TAF3: variants seen among roughly 807,000 people sequenced by gnomAD.
The protein encoded by TAF3 is transcription initiation factor TFIID subunit 3.
TAF3 carries 7 observed loss-of-function variants against 80.6 expected under a neutral mutation model. That is an observed-to-expected ratio of 0.09 (90% CI 0.05 to 0.16). TAF3 has a LOEUF of 0.16. TAF3 is among the 10% of genes least tolerant of loss of function. The pLI, the probability that TAF3 is intolerant of heterozygous loss-of-function variation, is 1.00. For synonymous variants in TAF3, 444 were observed against 446.1 expected, an observed-to-expected ratio of 1.00 and a Z score of 0.06; for missense variants, 921 against 1,140.2, an observed-to-expected ratio of 0.81 and a Z score of 2.77.
chr10:7,867,683 C>T (rs925759742), intron 2 of TAF3, among the ~76,000 whole-genome samples: 6 of 152,114 alleles, frequency 3.9e-5, no homozygotes, highest in Non-Finnish European at 5.9e-5. Context: ...GGATAGTTTG[C>T]GCAGCTTTGA....
intron 2 of TAF3, among the ~76,000 whole-genome samples, chr10:7,828,549 C>T (rs761185204): frequency 3.9e-5 from 6 of 152,078 alleles, no homozygotes; most frequent in Non-Finnish European, 7.4e-5. Context: ...CCCAGCTTGC[C>T]ATACATATTT....
At position 7,964,572 on chromosome 10, in the gene TAF3, A is replaced by G. The variant is rs1831548432; in HGVS notation, c.1062A>G (p.Lys354=). Residue 354 remains lysine, a synonymous_variant, in exon 3 of 7, where the codon AAA becomes AAG. Transcript: ENST00000344293. This position sits in a 1 kb window ranked among gnomAD's most constrained non-coding sequence, Gnocchi z 4.1. ...PSATLSEKIS[K]ETIQVKQIQT... The stretch of plus-strand genomic sequence containing the variant: ...CTACACTCAGTGAAAAAATCAGTAA[A>G]GAGACTATCCAGGTAAAACAAATAC... 1 of 1,613,984 alleles carries G rather than the reference A, an allele frequency of 6.2e-7. No homozygotes were observed. Among genetic ancestry groups the G allele is most frequent in the Non-Finnish European group, 8.5e-7 (1 of 1,180,036 alleles).
intron 2 of TAF3, among the ~76,000 whole-genome samples, chr10:7,862,838 A>C (rs1837161399): frequency 6.6e-6 from 1 of 152,216 alleles, no homozygotes; most frequent in African/African-American, 2.4e-5. Context: ...AGATTCATCC[A>C]AAATTCTGGA....
At chr10:7,946,918 T>A (rs539330312) in intron 2 of TAF3, among the ~76,000 whole-genome samples, 39 of 152,272 alleles carry the variant, frequency 2.6e-4, no homozygotes, top group African/African-American at 5.5e-4. Context: ...TTTCTTTTTT[T>A]AAAAAAATAA....
chr10:7,876,756 A>T (rs970437161), intron 2 of TAF3, among the ~76,000 whole-genome samples: 1 of 152,120 alleles, frequency 6.6e-6, no homozygotes, highest in African/African-American at 2.4e-5. Flanking sequence ...CATTATTTCC[A>T]CTGAAGTTGT....
At chr10:7,989,440 T>C (rs1200820499) in intron 4 of TAF3, among the ~76,000 whole-genome samples, 3 of 152,220 alleles carry the variant, frequency 2.0e-5, no homozygotes, top group Non-Finnish European at 2.9e-5. Context: ...TTCACGGTGC[T>C]GAGAAACATC....
At chr10:7,983,351 T>C (rs1259714292) in intron 4 of TAF3, among the ~76,000 whole-genome samples, 1 of 152,222 alleles carries the variant, frequency 6.6e-6, no homozygotes. Context: ...AGGCGATTTA[T>C]ATGTTTTATT....
At chr10:7,966,143 C>G (rs1831569184) in intron 3 of TAF3, among the ~76,000 whole-genome samples, 1 of 152,232 alleles carries the variant, frequency 6.6e-6, no homozygotes, top group Non-Finnish European at 1.5e-5. Context: ...TAAAAGCATG[C>G]AAAACCACGG....
chr10:7,906,882 G>A lies in TAF3; in HGVS notation c.410-57038G>A, dbSNP rs370817870. On this transcript the variant is annotated intron_variant, in intron 2 of 6. Transcript: ENST00000344293. ...GCAGGCGTGCACCACCATGCCCAGCGTACACCTTATTCTTCTGTTGGTCTC... is the reference window on the plus strand; with the variant it reads ...GCAGGCGTGCACCACCATGCCCAGCATACACCTTATTCTTCTGTTGGTCTC... 1.1e-4 allele frequency among the ~76,000 whole-genome samples: 17 copies of A among 151,176 alleles called. No homozygotes were observed. The East Asian group carries it at 1.6e-3, about 14-fold the overall frequency.
At position 7,975,818 on chromosome 10, in the gene TAF3, C is replaced by G. The variant is rs74421449; in HGVS notation, c.2233-1423C>G. ...GTTGATCATTATTTTATGTGTTCCC[C>G]TTTAGAACCACTATACTGTTCAATT... On this transcript the variant is annotated intron_variant, in intron 3 of 6. Transcript: ENST00000344293. Among the ~76,000 whole-genome samples the G allele has an allele frequency of 6.5e-3, 997 of 152,256 alleles. 6 individuals carry two copies. The highest frequency in any genetic ancestry group is 0.011 in the Admixed American group (166 of 15,294).
intron 2 of TAF3, among the ~76,000 whole-genome samples, chr10:7,941,872 T>C (rs898078779): frequency 5.9e-5 from 9 of 152,136 alleles, no homozygotes; most frequent in Non-Finnish European, 1.2e-4. Flanking sequence ...TGGATCTGGC[T>C]CTGGGGTCCT....
At chr10:7,886,894 T>A (rs902092582) in intron 2 of TAF3, among the ~76,000 whole-genome samples, 13 of 152,308 alleles carry the variant, frequency 8.5e-5, no homozygotes, top group African/African-American at 3.1e-4. Flanking sequence ...TCTAAGAGTA[T>A]CTTTAAATTT....
intron 2 of TAF3, among the ~76,000 whole-genome samples, chr10:7,851,431 A>G (rs1265856764): frequency 6.6e-6 from 1 of 152,232 alleles, no homozygotes; most frequent in Non-Finnish European, 1.5e-5. Context: ...ACCAGAGATC[A>G]TCATGGCAGG....
At chr10:7,950,173 T>TA (rs1394525203) in intron 2 of TAF3, among the ~76,000 whole-genome samples, 5 of 152,210 alleles carry the variant, frequency 3.3e-5, no homozygotes, top group African/African-American at 1.2e-4. Context: ...GTCAAACAGT[T>TA]ATAAATTGCG....
In TAF3 at chr10:7,841,102, C is replaced by T. The variant is rs550296160; in HGVS notation, c.409+16542C>T. ...CTGACCTCAGGTGATCCGCCCACCT[C>T]GGCCTACCAAAGTGCTGGGATTACA... is the stretch of plus-strand genomic sequence containing the variant. On this transcript the variant is annotated intron_variant, in intron 2 of 6. Transcript: ENST00000344293. Among the ~76,000 whole-genome samples, 4 of 152,302 alleles carry T rather than the reference C, an allele frequency of 2.6e-5. No individual in the cohort carries two copies. In the South Asian group the frequency reaches 8.3e-4, roughly 32 times the overall value.
At chr10:7,822,614 C>G (rs1443687270) in intron 1 of TAF3, among the ~76,000 whole-genome samples, 1 of 152,118 alleles carries the variant, frequency 6.6e-6, no homozygotes. Context: ...AATATCCTTC[C>G]AGAGGTTTCT....
At chr10:7,856,841 G>GTTTA (rs1189385868) in intron 2 of TAF3, among the ~76,000 whole-genome samples, 4 of 105,780 alleles carry the variant, frequency 3.8e-5, no homozygotes, top group Non-Finnish European at 7.1e-5. Flanking sequence ...TCTGGTAAAT[G>GTTTA]TTTAACAGCT....
chr10:8,006,068 G>A (rs1011773235), intron 4 of TAF3, among the ~76,000 whole-genome samples: 2 of 152,060 alleles, frequency 1.3e-5, no homozygotes, highest in South Asian at 2.1e-4. Context: ...CGTGGCTTAC[G>A]CCTGTAATCT....
At chr10:8,003,630 T>C (rs535401547) in intron 4 of TAF3, among the ~76,000 whole-genome samples, 1 of 152,370 alleles carries the variant, frequency 6.6e-6, no homozygotes, top group Non-Finnish European at 1.5e-5. Flanking sequence ...AAACTATCAT[T>C]TGTTGCATTT....
Sources: gnomAD v4.1 joint callset for allele counts (sites outside exome capture counted in the v4.1 genomes callset) on GRCh38, gnomAD v4.1.1 for gene constraint, Gnocchi (gnomAD v3.1) non-coding constraint, MANE v1.5 for transcripts, NCBI Gene and HGNC (gene_info 2026-07-23, HGNC 2026-07-21) for gene names.